RTP4: variants seen among roughly 807,000 people sequenced by gnomAD.
The protein encoded by RTP4 is receptor transporter protein 4.
RTP4 carries 5 observed loss-of-function variants against 6.5 expected under a neutral mutation model. That is an observed-to-expected ratio of 0.77 (90% confidence interval 0.40 to 1.62). The LOEUF (loss-of-function observed/expected upper bound fraction) is 1.62, where lower values mean the gene tolerates loss of function less well. Ranked by LOEUF, RTP4 falls within the 40% of genes most tolerant of loss-of-function variation. The pLI, the probability that RTP4 is intolerant of heterozygous loss-of-function variation, is 0.02. For missense variants in RTP4, 266 were observed against 288.7 expected, an observed-to-expected ratio of 0.92 and a Z score of 0.57; for synonymous variants, 112 against 114.8, an observed-to-expected ratio of 0.98 and a Z score of 0.15.
In RTP4 at chr3:187,371,086, G is replaced by C; in HGVS notation, c.454G>C (p.Ala152Pro). The C allele has an allele frequency of 6.2e-7, 1 of 1,614,202 alleles. No homozygotes were observed. Among genetic ancestry groups the C allele is most frequent in the Non-Finnish European group, 8.5e-7 (1 of 1,180,042 alleles). ...EVSLEGSHDT[A>P]NCEACTLGIC... is the part of the protein sequence containing the mutation. The stretch of plus-strand genomic sequence containing the variant: ...GTCCCTGGAAGGATCCCATGACACA[G>C]CCAATTGTGAGGCATGCACTTTGGG... The change falls in exon 2 of 2, where the codon GCC becomes CCC. Residue 152 changes from alanine to proline, a missense_variant. By Grantham distance (27) the Ala-to-Pro change is conservative (BLOSUM62 -1). Transcript: ENST00000259030.
At chr3:187,368,987 C>G (rs1243543121) in intron 1 of RTP4, among the ~76,000 whole-genome samples, 2 of 149,458 alleles carry the variant, frequency 1.3e-5, no homozygotes, top group Non-Finnish European at 3.0e-5. Flanking sequence ...TGGCACTGTT[C>G]AGTACAAGCC....
Position 187,371,228 on chromosome 3 carries a change from C to T in RTP4, c.596C>T (p.Ala199Val). The T allele has an allele frequency of 6.2e-7, 1 of 1,613,894 alleles. No homozygotes were observed. Among genetic ancestry groups the T allele is most frequent in the Non-Finnish European group, 8.5e-7 (1 of 1,180,014 alleles). Residue 199 changes from alanine (A) to valine (V), a missense_variant, in exon 2 of 2, where the codon GCC becomes GTC. Transcript: ENST00000259030. ...GGTGCTGTGTACCTCGCAAACCAAG[C>T]CAAGAACCAGTCAGCTGAGGCAAAA... ...GIGAVYLANQ[A>V]KNQSAEAKEA...
chr3:187,371,071 G>T lies in RTP4; in HGVS notation c.439G>T (p.Gly147Ter). The change falls in exon 2 of 2, where the codon GGA becomes TGA. Residue 147 changes from glycine (G) to a stop codon, truncating the protein, a stop_gained. Coordinates refer to ENST00000259030, the MANE Select transcript of RTP4 (RefSeq NM_022147.3). LOFTEE classifies it low-confidence loss of function (END_TRUNC). Reference sequence around the variant, plus strand: ...AGTAATCCTGGAAGTGTCCCTGGAAGGATCCCATGACACAGCCAATTGTGA... The same window carrying T: ...AGTAATCCTGGAAGTGTCCCTGGAATGATCCCATGACACAGCCAATTGTGA... ...MPVILEVSLE[G>*]SHDTANCEAC... 6.2e-7 allele frequency: 1 copy of T among 1,614,226 alleles called. No individual in the cohort carries two copies. Among genetic ancestry groups the T allele is most frequent in the Non-Finnish European group, 8.5e-7 (1 of 1,180,046 alleles).
In RTP4 at chr3:187,371,027, G is replaced by A. The variant is rs1210060500; in HGVS notation, c.395G>A (p.Arg132Lys). 1 of 1,614,074 alleles carries A rather than the reference G, an allele frequency of 6.2e-7. No homozygotes were observed. The highest frequency in any genetic ancestry group is 8.5e-7 in the Non-Finnish European group (1 of 1,180,042). ...ILKKYYGNGT[R>K]KSPEMPVILE... ...AAGAAATACTATGGAAATGGCACGA[G>A]GAAGTCTCCAGAAATGCCAGTAATC... The change falls in exon 2 of 2, where the codon AGG becomes AAG. Residue 132 changes from arginine (R) to lysine (K), a missense_variant. Coordinates refer to ENST00000259030, the MANE Select transcript of RTP4 (RefSeq NM_022147.3).
chr3:187,370,815 T>C lies in RTP4; in HGVS notation c.183T>C (p.Ser61=), dbSNP rs780434635. ...GWFRCSSCQR[S]WASAQVQILC... ...TCCGGTGTTCCTCCTGCCAGCGAAG[T>C]TGGGCTTCCGCCCAAGTGCAGATTC... The change falls in exon 2 of 2, where the codon AGT becomes AGC. Residue 61 remains serine, a synonymous_variant. Coordinates refer to ENST00000259030, the MANE Select transcript of RTP4 (RefSeq NM_022147.3). The C allele has an allele frequency of 1.9e-5, 31 of 1,612,882 alleles. No homozygotes were observed. The Admixed American group carries it at 5.0e-4, about 26-fold the overall frequency.
Position 187,371,447 on chromosome 3 carries a change from C to A in RTP4, c.*74C>A. On this transcript the variant is annotated 3_prime_UTR_variant, in exon 2 of 2. Transcript: ENST00000259030. Reference sequence around the variant, plus strand: ...TGAACTGGCTGCCACTTTAATATAACTGAAAATTCATTTTGAGACCAAGCA... The same window carrying A: ...TGAACTGGCTGCCACTTTAATATAAATGAAAATTCATTTTGAGACCAAGCA... 1 of 1,104,638 alleles carries A rather than the reference C, an allele frequency of 9.1e-7. No homozygotes were observed. Among genetic ancestry groups the A allele is most frequent in the Non-Finnish European group, 1.3e-6 (1 of 786,370 alleles). 68.4% of individuals were successfully genotyped at this position (1,104,638 alleles called of 1,614,324 possible). A position where few individuals can be genotyped will look rare whatever the true frequency, so the allele number is the denominator to read the frequency against.
intron 1 of RTP4, among the ~76,000 whole-genome samples, chr3:187,369,485 G>C (rs763811351): frequency 2.4e-4 from 36 of 151,928 alleles, no homozygotes; most frequent in Middle Eastern, 3.4e-3. Flanking sequence ...ATCCTTCAAG[G>C]CCCACTCTAG....
At chr3:187,368,787 G>T (rs1329486193) in intron 1 of RTP4, among the ~76,000 whole-genome samples, 191 bp downstream of exon 1, 1 of 152,158 alleles carries the variant, frequency 6.6e-6, no homozygotes, top group African/African-American at 2.4e-5. Context: ...TTAACTGCTG[G>T]AAGTTTCTTC....
rs757120624 is a variant in RTP4 at position 187,370,883 on chromosome 3, T to C, written c.251T>C (p.Val84Ala). 1 of 1,614,084 alleles carries C rather than the reference T, an allele frequency of 6.2e-7. No individual in the cohort carries two copies. Among genetic ancestry groups the C allele is most frequent in the South Asian group, 1.1e-5 (1 of 91,076 alleles). The stretch of plus-strand genomic sequence containing the variant: ...GAGCACTGGACATCCCAGGGTCAGG[T>C]GCGTATGAGGCTCTTTGGCCAAAGG... ...YWEHWTSQGQ[V>A]RMRLFGQRCQ... The change falls in exon 2 of 2, where the codon GTG becomes GCG. Residue 84 changes from valine to alanine, a missense_variant. Physicochemically the swap from Val to Ala is moderately conservative, Grantham distance 64. Coordinates refer to ENST00000259030, the MANE Select transcript of RTP4 (RefSeq NM_022147.3).
At chr3:187,370,682 G>A in intron 1 of RTP4, 106 bp from the exon 2 acceptor site, 1 of 719,232 alleles carries the variant, frequency 1.4e-6, no homozygotes, top group Non-Finnish European at 2.3e-6. Flanking sequence ...TAAATCACAT[G>A]CATTTTTTCA....
At chr3:187,368,677 G>C in intron 1 of RTP4, 81 bp downstream of exon 1, 1 of 1,349,326 alleles carries the variant, frequency 7.4e-7, no homozygotes. Flanking sequence ...TCCTCTGAGA[G>C]CTTGTTGAAG....
intron 1 of RTP4, among the ~76,000 whole-genome samples, chr3:187,369,009 CTTTTT>C (rs10695577): frequency 2.2e-5 from 3 of 136,280 alleles, no homozygotes; most frequent in Non-Finnish European, 4.8e-5. Flanking sequence ...GGGACGGAGC[CTTTTT>C]TTTTTTTTTA....
Position 187,370,767 on chromosome 3 carries a change from G to A in RTP4, c.156-21G>A, listed in dbSNP as rs1391499298. 8 of 1,588,196 alleles carry A rather than the reference G, an allele frequency of 5.0e-6. No homozygotes were observed. In the African/African-American group the frequency reaches 6.7e-5, roughly 13 times the overall value. ...TAACAACCAGATGAAGGCATAATGG[G>A]TGTCTTCCTTCTGACTGCAGGTTCC... On this transcript the variant is annotated intron_variant, in intron 1 of 1. Coordinates refer to ENST00000259030, the MANE Select transcript of RTP4 (RefSeq NM_022147.3).
At position 187,371,263 on chromosome 3, in the gene RTP4, G is replaced by C; in HGVS notation, c.631G>C (p.Gly211Arg). 6.2e-7 allele frequency: 1 copy of C among 1,611,854 alleles called. No individual in the cohort carries two copies. The highest frequency in any genetic ancestry group is 8.5e-7 in the Non-Finnish European group (1 of 1,180,008). The change falls in exon 2 of 2, where the codon GGG becomes CGG. Residue 211 changes from glycine to arginine, a missense_variant. Physicochemically the swap from Gly to Arg is moderately radical, Grantham distance 125. Coordinates refer to ENST00000259030, the MANE Select transcript of RTP4 (RefSeq NM_022147.3). ...NQSAEAKEAK[G>R]SGYEKLGPSR... Reference sequence around the variant, plus strand: ...GTCAGCTGAGGCAAAAGAGGCTAAGGGGAGTGGGTATGAGAAATTAGGGCC... The same window carrying C: ...GTCAGCTGAGGCAAAAGAGGCTAAGCGGAGTGGGTATGAGAAATTAGGGCC...
chr3:187,368,417 A>G lies in RTP4; in HGVS notation c.-25A>G. The G allele has an allele frequency of 1.9e-6, 3 of 1,590,112 alleles. No individual in the cohort carries two copies. The highest frequency in any genetic ancestry group is 1.7e-6 in the Non-Finnish European group (2 of 1,168,598). The stretch of plus-strand genomic sequence containing the variant: ...TGAGAAACGAGCAAACCTGAAAGCT[A>G]CTCTCTCAGCTTCAGAGGGAAAAAA... On this transcript the variant is annotated 5_prime_UTR_variant, in exon 1 of 2. Transcript: ENST00000259030.
intron 1 of RTP4, among the ~76,000 whole-genome samples, chr3:187,368,850 C>T (rs776309952): frequency 2.8e-4 from 43 of 152,194 alleles, no homozygotes; most frequent in Non-Finnish European, 5.9e-4. Context: ...GAGAAGGCTC[C>T]CTATTCCATA....
At chr3:187,370,704 A>G in intron 1 of RTP4, 84 bp from the exon 2 acceptor site, 3 of 852,406 alleles carry the variant, frequency 3.5e-6, no homozygotes, top group South Asian at 1.7e-5. Context: ...ATGGAAAAGG[A>G]TGTTAGTGAC....
In RTP4 at chr3:187,369,652, GAAT is replaced by G. The variant is rs909433671; in HGVS notation, c.155+1062_155+1064del. Among the ~76,000 whole-genome samples, 83 of 150,342 alleles carry G rather than the reference GAAT, an allele frequency of 5.5e-4. 1 individual carries two copies. The highest frequency in any genetic ancestry group is 3.6e-3 in the Middle Eastern group (1 of 280). On this transcript the variant is annotated intron_variant, in intron 1 of 1. Coordinates refer to ENST00000259030, the MANE Select transcript of RTP4 (RefSeq NM_022147.3). ...ATATACATATGTACTATGTATTTCA[GAAT>G]AATAAATTTATAAATAATATATGTA...
chr3:187,368,531 T>C lies in RTP4; in HGVS notation c.90T>C (p.Asp30=). The part of the protein sequence containing the change: ...KPRATWTLKL[D]GNLQLDCLAQ... ...GGGCCACATGGACGCTGAAGTTGGA[T>C]GGCAACCTTCAGCTAGACTGCCTGG... Residue 30 remains aspartate (D), a synonymous_variant, in exon 1 of 2, where the codon GAT becomes GAC. Coordinates refer to ENST00000259030, the MANE Select transcript of RTP4 (RefSeq NM_022147.3). 6.2e-7 allele frequency: 1 copy of C among 1,614,156 alleles called. No individual in the cohort carries two copies. The highest frequency in any genetic ancestry group is 8.5e-7 in the Non-Finnish European group (1 of 1,180,014).
Sources: allele counts gnomAD v4.1 joint callset (sites outside exome capture counted in the v4.1 genomes callset), GRCh38; gene constraint gnomAD v4.1.1; transcripts MANE v1.5; gene names NCBI Gene and HGNC (gene_info 2026-07-23, HGNC 2026-07-21).